Variants in INO80 observed in about 807,000 individuals in gnomAD.
The protein encoded by INO80 is INO80 complex ATPase subunit.
INO80 carries 20 observed loss-of-function variants against 203.4 expected under a neutral mutation model. The ratio of observed to expected loss-of-function variants is 0.10; its 90% CI spans 0.07 to 0.14. The LOEUF is 0.14. INO80 is among the 10% of genes least tolerant of loss of function. INO80 has a pLI of 1.00. For synonymous variants in INO80, 726 were observed against 685.2 expected, an observed-to-expected ratio of 1.06 and a Z score of -0.93; for missense variants, 1,419 against 1,914.4, an observed-to-expected ratio of 0.74 and a Z score of 4.83.
Position 41,110,691 on chromosome 15 carries a change from A to T in INO80, c.-44+5282T>A, listed in dbSNP as rs147763035. On this transcript the variant is annotated intron_variant, in intron 1 of 35. Coordinates refer to ENST00000648947, the MANE Select transcript of INO80 (RefSeq NM_017553.3). Reference sequence around the variant, plus strand: ...AGTGATTTGCCTGCCTTGGTCTCCCAAAGTGCTGAGATTACAGGTGTGAGC... The same window carrying T: ...AGTGATTTGCCTGCCTTGGTCTCCCTAAGTGCTGAGATTACAGGTGTGAGC... 2.0e-5 allele frequency among the ~76,000 whole-genome samples: 3 copies of T among 152,340 alleles called. No individual in the cohort carries two copies. The East Asian group carries it at 5.8e-4, about 29-fold the overall frequency.
At chr15:41,028,629 A>T (rs993057752) in intron 24 of INO80, among the ~76,000 whole-genome samples, 20 of 152,050 alleles carry the variant, frequency 1.3e-4, no homozygotes, top group African/African-American at 4.8e-4. Flanking sequence ...GATCACCTTT[A>T]GGTGATCACC....
intron 23 of INO80, among the ~76,000 whole-genome samples, chr15:41,045,338 C>T (rs1307036283): frequency 6.6e-6 from 1 of 152,088 alleles, no homozygotes; most frequent in Non-Finnish European, 1.5e-5. Context: ...CCTGTAATTT[C>T]AACACTTTGG....
intron 7 of INO80, among the ~76,000 whole-genome samples, chr15:41,084,717 T>G (rs890995426): frequency 2.0e-5 from 3 of 152,076 alleles, no homozygotes; most frequent in African/African-American, 7.2e-5. Context: ...ATCAACTCCT[T>G]TTTATTTTAT....
At chr15:41,020,612 G>C (rs914091576) in intron 26 of INO80, among the ~76,000 whole-genome samples, 3 of 148,878 alleles carry the variant, frequency 2.0e-5, no homozygotes, top group Non-Finnish European at 4.4e-5. Flanking sequence ...ATTCAACCTA[G>C]AGCCTTTCCT....
At chr15:41,052,720 G>A (rs1007692702) in intron 19 of INO80, among the ~76,000 whole-genome samples, 3 of 151,106 alleles carry the variant, frequency 2.0e-5, no homozygotes, top group African/African-American at 4.9e-5. Flanking sequence ...AAAAACGGAG[G>A]GAGAGATTAA....
At chr15:41,075,881 C>G (rs979367406) in intron 9 of INO80, among the ~76,000 whole-genome samples, 1 of 152,182 alleles carries the variant, frequency 6.6e-6, no homozygotes, top group African/African-American at 2.4e-5. Flanking sequence ...GTGTGAGCCA[C>G]TGCACCTGGC....
At chr15:41,027,818 C>A in intron 24 of INO80, 82 bp from the exon 25 acceptor site, 1 of 1,079,418 alleles carries the variant, frequency 9.3e-7, no homozygotes, top group South Asian at 1.7e-5. Flanking sequence ...ACATATTAAA[C>A]ATCTAACTTT....
chr15:41,069,243 A>C (rs1596307654), intron 14 of INO80, among the ~76,000 whole-genome samples: 23 of 134,662 alleles, frequency 1.7e-4, no homozygotes, highest in Admixed American at 3.1e-4. Flanking sequence ...TCGCCCCCTC[A>C]CCCCCCTGGC....
chr15:41,099,115 C>T (rs1596326768), intron 1 of INO80, among the ~76,000 whole-genome samples: 1 of 151,052 alleles, frequency 6.6e-6, no homozygotes, highest in East Asian at 2.0e-4. Context: ...TATGGTGATG[C>T]GTGCCTGTAG....
chr15:41,103,056 T>C (rs1198341058), intron 1 of INO80, among the ~76,000 whole-genome samples: 1 of 152,172 alleles, frequency 6.6e-6, no homozygotes, highest in Non-Finnish European at 1.5e-5. Context: ...TTCTAGCCCC[T>C]ACAAACCCAA....
intron 16 of INO80, 86 bp downstream of exon 16, chr15:41,058,553 G>GTA: frequency 3.2e-6 from 2 of 622,804 alleles, no homozygotes; most frequent in Non-Finnish European, 4.7e-6. Context: ...ATACAAGTCT[G>GTA]TGTGTGTGTG....
intron 28 of INO80, among the ~76,000 whole-genome samples, chr15:41,005,126 C>T (rs534955493): frequency 4.9e-4 from 66 of 135,010 alleles, no homozygotes; most frequent in South Asian, 4.2e-3. Flanking sequence ...ACCGGGGAGG[C>T]GGAGGCTGCA....
chr15:41,080,934 C>T (rs891329168), intron 8 of INO80, 86 bp downstream of exon 8: 22 of 831,696 alleles, frequency 2.6e-5, no homozygotes, highest in Non-Finnish European at 3.5e-5. Flanking sequence ...CAGGTTACGA[C>T]GGACAAGAGC....
intron 14 of INO80, 148 bp from the exon 15 acceptor site, chr15:41,060,074 C>A (rs2045074718): frequency 6.6e-6 from 4 of 601,702 alleles, no homozygotes; most frequent in Non-Finnish European, 1.1e-5. Flanking sequence ...AATGGTTTAA[C>A]CAACCCTGTT....
chr15:41,063,265 A>G (rs2045146130), intron 14 of INO80, among the ~76,000 whole-genome samples: 1 of 152,092 alleles, frequency 6.6e-6, no homozygotes, highest in African/African-American at 2.4e-5. Context: ...TGAACCTGGG[A>G]GGCAGAGGTT....
In INO80 at chr15:41,001,715, A is replaced by T. The variant is rs115010852; in HGVS notation, c.3497+3878T>A. Among the ~76,000 whole-genome samples, 322 of 152,346 alleles carry T rather than the reference A, an allele frequency of 2.1e-3. 1 individual carries two copies. Among genetic ancestry groups the T allele is most frequent in the African/African-American group, 7.4e-3 (309 of 41,580 alleles). The stretch of plus-strand genomic sequence containing the variant: ...AGGACATCCTGGCCAAACAGTCTTT[A>T]GTCTCAGTCAGACTTTTTCCTGGAA... On this transcript the variant is annotated intron_variant, in intron 28 of 35. Transcript: ENST00000648947.
intron 1 of INO80, among the ~76,000 whole-genome samples, chr15:41,115,765 A>G (rs971171996): frequency 4.6e-5 from 7 of 152,162 alleles, no homozygotes; most frequent in African/African-American, 1.7e-4. Flanking sequence ...CTCCAGAGAT[A>G]TGAAACGGGA....
At chr15:41,030,311 G>A (rs2044439459) in intron 24 of INO80, among the ~76,000 whole-genome samples, 1 of 152,114 alleles carries the variant, frequency 6.6e-6, no homozygotes, top group African/African-American at 2.4e-5. Flanking sequence ...GAAAAAGTCT[G>A]ACTAGCAATA....
At chr15:41,080,725 G>A (rs2045473214) in intron 8 of INO80, among the ~76,000 whole-genome samples, 1 of 152,124 alleles carries the variant, frequency 6.6e-6, no homozygotes, top group African/African-American at 2.4e-5. Context: ...GATGGCAGGT[G>A]CCTATAATCC....
Sources: allele counts gnomAD v4.1 joint callset (sites outside exome capture counted in the v4.1 genomes callset), GRCh38; gene constraint gnomAD v4.1.1; transcripts MANE v1.5; gene names NCBI Gene and HGNC (gene_info 2026-07-23, HGNC 2026-07-21).